Variants in HPSE2 observed in about 807,000 individuals in gnomAD.
The protein encoded by HPSE2 is inactive heparanase-2.
In HPSE2, 38 loss-of-function variants were observed where a neutral mutation model predicts 60.5. The observed-to-expected ratio is 0.63, with a 90% confidence interval of 0.48 to 0.82. The LOEUF (loss-of-function observed/expected upper bound fraction) is 0.82. HPSE2 is among the 40% of genes least tolerant of loss of function. HPSE2 has a pLI of 0.00. For synonymous variants in HPSE2, 295 were observed against 293.2 expected, an observed-to-expected ratio of 1.01 and a Z score of -0.06; for missense variants, 713 against 740.4, an observed-to-expected ratio of 0.96 and a Z score of 0.43.
At chr10:99,197,501 A>G (rs1848441027) in intron 2 of HPSE2, among the ~76,000 whole-genome samples, 1 of 152,212 alleles carries the variant, frequency 6.6e-6, no homozygotes, top group African/African-American at 2.4e-5. Flanking sequence ...CCAACTATGT[A>G]CACAAAAATT....
the HPSE2 span, among the ~76,000 whole-genome samples, chr10:99,255,528 A>C: frequency 3.3e-5 from 5 of 150,274 alleles, no homozygotes; most frequent in African/African-American, 1.2e-4. Flanking sequence ...CAACATACTA[A>C]CAAATTAGTA....
chr10:99,278,341 A>T, the HPSE2 span, among the ~76,000 whole-genome samples: 1 of 152,204 alleles, frequency 6.6e-6, no homozygotes, highest in Non-Finnish European at 1.5e-5. Flanking sequence ...AATAATTTTT[A>T]AAAAATAAAA....
chr10:98,567,127 T>C (rs971779799), intron 9 of HPSE2, among the ~76,000 whole-genome samples: 2 of 152,162 alleles, frequency 1.3e-5, no homozygotes, highest in Non-Finnish European at 2.9e-5. Context: ...GGAAGCTGCA[T>C]TTTTTATAAG....
intron 10 of HPSE2, among the ~76,000 whole-genome samples, chr10:98,485,379 T>C (rs533247950): frequency 3.3e-5 from 5 of 152,334 alleles, no homozygotes; most frequent in South Asian, 4.1e-4. Flanking sequence ...CATTATTGTG[T>C]TCAAGGCTTT....
At chr10:98,895,364 T>C (rs1375143734) in intron 3 of HPSE2, among the ~76,000 whole-genome samples, 1 of 152,190 alleles carries the variant, frequency 6.6e-6, no homozygotes, top group Non-Finnish European at 1.5e-5. Context: ...AGAGTTTCTA[T>C]GATCACAGTA....
the HPSE2 span, among the ~76,000 whole-genome samples, chr10:99,289,048 A>AT: frequency 1.3e-4 from 20 of 152,234 alleles, no homozygotes; most frequent in African/African-American, 4.8e-4. Flanking sequence ...GCCCCAAAAG[A>AT]TTTTTTCACA....
the HPSE2 span, among the ~76,000 whole-genome samples, chr10:99,271,474 C>T: frequency 1.3e-5 from 2 of 152,154 alleles, no homozygotes. Flanking sequence ...AACTACTAAA[C>T]ACTGCTGAAA....
At chr10:99,197,269 C>A (rs1341624022) in intron 2 of HPSE2, among the ~76,000 whole-genome samples, 1 of 151,444 alleles carries the variant, frequency 6.6e-6, no homozygotes, top group Non-Finnish European at 1.5e-5. Context: ...TTAATGGGTA[C>A]AAAAAAATAG....
At chr10:98,802,434 A>G (rs1189640380) in intron 3 of HPSE2, among the ~76,000 whole-genome samples, 1 of 150,162 alleles carries the variant, frequency 6.7e-6, no homozygotes, top group Non-Finnish European at 1.5e-5. Flanking sequence ...CTCGTCATTT[A>G]GCATTAGGTA....
At chr10:98,721,302 C>T (rs1256905275) in intron 5 of HPSE2, among the ~76,000 whole-genome samples, 2 of 152,050 alleles carry the variant, frequency 1.3e-5, no homozygotes, top group African/African-American at 2.4e-5. Flanking sequence ...TCACTTTCTA[C>T]AAGAGGACAC....
intron 10 of HPSE2, among the ~76,000 whole-genome samples, chr10:98,486,332 G>A (rs887859599): frequency 2.0e-5 from 3 of 152,160 alleles, no homozygotes; most frequent in Non-Finnish European, 4.4e-5. Context: ...GCCCTCTGAG[G>A]TTATCAAGTC....
rs565231061 is a variant in HPSE2, at chr10:98,572,071, G to A, written c.1320+42833C>T. Among the ~76,000 whole-genome samples, 87 of 151,638 alleles carry A rather than the reference G, an allele frequency of 5.7e-4. No individual in the cohort carries two copies. In the Middle Eastern group the frequency reaches 0.01, roughly 18 times the overall value. ...TTCTCCTGCCTCAGCCTCCCAAGTA[G>A]CTGGGATTACAGGTGCCCACCACCA... On this transcript the variant is annotated intron_variant, in intron 9 of 11. Transcript: ENST00000370552.
At chr10:98,485,385 G>A (rs1406311356) in intron 10 of HPSE2, among the ~76,000 whole-genome samples, 2 of 152,090 alleles carry the variant, frequency 1.3e-5, no homozygotes, top group African/African-American at 2.4e-5. Flanking sequence ...TGTGTTCAAG[G>A]CTTTTGGATG....
At chr10:99,069,635 T>A (rs1418929103) in intron 3 of HPSE2, among the ~76,000 whole-genome samples, 1 of 151,240 alleles carries the variant, frequency 6.6e-6, no homozygotes, top group African/African-American at 2.4e-5. Flanking sequence ...GTACTAATAC[T>A]CAATCTTCTT....
chr10:98,579,017 A>G (rs1022194833), intron 9 of HPSE2, among the ~76,000 whole-genome samples: 11 of 152,228 alleles, frequency 7.2e-5, no homozygotes, highest in Non-Finnish European at 1.5e-4. Flanking sequence ...GGAATTTAAA[A>G]TAGTTTTAAT....
At position 98,788,320 on chromosome 10, in the gene HPSE2, G is replaced by A. The variant is rs1452387662; in HGVS notation, c.611-44264C>T. ...TGCCCGTTCTCAGACCTCCAGCTGC[G>A]TGCTGGGAGAACCACTGCTCTCTTC... On this transcript the variant is annotated intron_variant, in intron 3 of 11. Coordinates refer to ENST00000370552, the MANE Select transcript of HPSE2 (RefSeq NM_021828.5). 2.0e-4 allele frequency among the ~76,000 whole-genome samples: 13 copies of A among 63,706 alleles called. 3 individuals carry two copies. In the East Asian group the frequency reaches 4.3e-3, roughly 21 times the overall value. The allele number at this position is 63,706 out of a possible 152,430, so 41.8% of individuals were successfully genotyped here. A position where few individuals can be genotyped will look rare whatever the true frequency, so the allele number is the denominator to read the frequency against.
chr10:98,838,301 T>A (rs567742037), intron 3 of HPSE2, among the ~76,000 whole-genome samples: 48 of 152,214 alleles, frequency 3.2e-4, no homozygotes, highest in Non-Finnish European at 6.2e-4. Flanking sequence ...GATAATAGTA[T>A]GTATCTCACC....
chr10:98,481,938 A>G (rs1207017312), intron 11 of HPSE2, among the ~76,000 whole-genome samples: 1 of 152,124 alleles, frequency 6.6e-6, no homozygotes, highest in Non-Finnish European at 1.5e-5. Flanking sequence ...TTTTGTTTGT[A>G]GAGATCCATG....
intron 3 of HPSE2, among the ~76,000 whole-genome samples, chr10:98,896,656 T>C (rs1209603440): frequency 6.6e-6 from 1 of 152,038 alleles, no homozygotes; most frequent in Non-Finnish European, 1.5e-5. Flanking sequence ...AGAGCAGGAA[T>C]GAATGAAATT....
Sources: allele counts gnomAD v4.1 joint callset (sites outside exome capture counted in the v4.1 genomes callset), GRCh38; gene constraint gnomAD v4.1.1; transcripts MANE v1.5; gene names NCBI Gene and HGNC (gene_info 2026-07-23, HGNC 2026-07-21).